Variants in WDR41 observed in about 807,000 individuals in gnomAD.
WDR41 encodes the protein WD repeat-containing protein 41.
Under a neutral mutation model 69.3 loss-of-function variants are expected in WDR41, and 63 were observed. The ratio of observed to expected loss-of-function variants is 0.91; its 90% CI spans 0.74 to 1.12. WDR41 has a LOEUF of 1.12. Among genes scored for constraint, WDR41 ranks in the 50% most tolerant of loss-of-function variants. The pLI, the probability that WDR41 is intolerant of heterozygous loss-of-function variation, is 0.00. For missense variants in WDR41, 543 were observed against 534.5 expected (o/e 1.02, Z -0.16); for synonymous variants, 185 against 192.1 (o/e 0.96, Z 0.31).
intron 1 of WDR41, among the ~76,000 whole-genome samples, chr5:77,534,655 A>G (rs1742932370): frequency 6.6e-6 from 1 of 152,108 alleles, no homozygotes; most frequent in Non-Finnish European, 1.5e-5. Context: ...GCTGGTCTCA[A>G]ACCCCTGAGC....
Position 77,583,022 on chromosome 5 carries a change from C to G in WDR41, c.42+37457G>C. ...CTGTGGCCCTTCAAATTGTCTTCTC[C>G]ACGAGGTGGAATGAAGAAAAAGACC... On this transcript the variant is annotated intron_variant, in intron 1 of 5. Coordinates refer to the WDR41 transcript ENST00000509971. The G allele has an allele frequency of 3.8e-6, 6 of 1,598,642 alleles. No homozygotes were observed. The South Asian group carries it at 6.6e-5, about 18-fold the overall frequency.
chr5:77,611,709 C>A (rs1744555818), intron 1 of WDR41, among the ~76,000 whole-genome samples: 1 of 151,802 alleles, frequency 6.6e-6, no homozygotes, highest in African/African-American at 2.4e-5. Context: ...AAAATTGACA[C>A]CCTAACATCA....
chr5:77,584,351 A>T (rs914050252), intron 1 of WDR41, among the ~76,000 whole-genome samples: 2 of 152,218 alleles, frequency 1.3e-5, no homozygotes, highest in African/African-American at 2.4e-5. Context: ...TAAGGGATAC[A>T]CTAAAAAACT....
intron 8 of WDR41, among the ~76,000 whole-genome samples, chr5:77,442,080 A>T (rs578024882): frequency 7.5e-4 from 114 of 152,332 alleles, no homozygotes; most frequent in African/African-American, 2.6e-3. Context: ...ACATTCCTGT[A>T]TTGCCTAATG....
chr5:77,595,855 T>C lies in WDR41; in HGVS notation c.42+24624A>G, dbSNP rs1024303197. Among the ~76,000 whole-genome samples, 19 of 152,354 alleles carry C rather than the reference T, an allele frequency of 1.2e-4. 2 individuals carry two copies. The South Asian group carries it at 3.9e-3, about 32-fold the overall frequency. ...CAACTTAGCTTTTCAGATACAGTTA[T>C]GGAACATCAGTTTAACTAGAAAATA... is the stretch of plus-strand genomic sequence containing the variant. On this transcript the variant is annotated intron_variant, in intron 1 of 5. Transcript: ENST00000509971.
intron 2 of WDR41, among the ~76,000 whole-genome samples, chr5:77,472,089 TTCA>T (rs1456037139): frequency 2.0e-5 from 3 of 152,212 alleles, no homozygotes; most frequent in African/African-American, 7.2e-5. Context: ...TCAAGTGGGC[TTCA>T]TCACTGGGAT....
intron 1 of WDR41, among the ~76,000 whole-genome samples, chr5:77,580,360 A>G (rs1743913639): frequency 6.6e-6 from 1 of 152,126 alleles, no homozygotes; most frequent in Non-Finnish European, 1.5e-5. Flanking sequence ...CCCTTATAAA[A>G]CCATCAGATT....
At chr5:77,596,327 T>C (rs1744227448) in intron 1 of WDR41, among the ~76,000 whole-genome samples, 1 of 152,148 alleles carries the variant, frequency 6.6e-6, no homozygotes, top group Admixed American at 6.6e-5. Context: ...TTTGTGTTTT[T>C]AGTGGAGACG....
chr5:77,446,023 C>A (rs998513247), intron 8 of WDR41, among the ~76,000 whole-genome samples: 23 of 152,230 alleles, frequency 1.5e-4, no homozygotes, highest in African/African-American at 5.5e-4. Flanking sequence ...ATTTAGAAAA[C>A]CCCATCATCT....
Position 77,489,525 on chromosome 5 carries a change from G to T in WDR41, c.99C>A (p.Tyr33Ter). Residue 33 changes from tyrosine to a stop codon, truncating the protein, a stop_gained, in exon 2 of 13, where the codon TAC (tyrosine) becomes TAA (stop). Coordinates refer to ENST00000296679, the MANE Select transcript of WDR41 (RefSeq NM_018268.4). LOFTEE classifies it high-confidence loss of function. ...GAGCCTTCAGTACTAGCAGTTCAGT[G>T]TAGGGATTCTGGGTTTGTTCTTCAC... Reference protein sequence around the residue: ...TIGEEQTQNPYTELLVLKAHH... With the variant: ...TIGEEQTQNP 6.2e-7 allele frequency: 1 copy of T among 1,608,014 alleles called. No homozygotes were observed.
chr5:77,525,764 C>A (rs1391615329), intron 1 of WDR41, among the ~76,000 whole-genome samples: 1 of 152,064 alleles, frequency 6.6e-6, no homozygotes, highest in African/African-American at 2.4e-5. Flanking sequence ...GGTAATAAGA[C>A]CTAGAAAAAG....
chr5:77,478,972 G>A, intron 2 of WDR41, among the ~76,000 whole-genome samples: 1 of 151,632 alleles, frequency 6.6e-6, no homozygotes, highest in Non-Finnish European at 1.5e-5. Context: ...AGCAACTTCA[G>A]CAAAGTCTCA....
rs1164416387 is a variant in WDR41 at position 77,431,674 on chromosome 5, T to C, written c.*1461A>G. On this transcript the variant is annotated 3_prime_UTR_variant, in exon 13 of 13. Coordinates refer to ENST00000296679, the MANE Select transcript of WDR41 (RefSeq NM_018268.4). ...TACTAGCCTAGAACAGGCTAGGAAG[T>C]AAAACAGTTAAGTCTATGGCTCCCT... 2 of 152,290 alleles carry C rather than the reference T, an allele frequency of 1.3e-5. No homozygotes were observed. Among genetic ancestry groups the C allele is most frequent in the East Asian group, 3.9e-4 (2 of 5,178 alleles). The allele number at this position is 152,290 out of a possible 1,614,324, so 9.4% of individuals were successfully genotyped here.
chr5:77,508,776 AC>A (rs1240923646), intron 1 of WDR41, among the ~76,000 whole-genome samples: 13 of 150,890 alleles, frequency 8.6e-5, no homozygotes, highest in African/African-American at 3.0e-4. Flanking sequence ...GCTTTGCTAA[AC>A]TATTTTAGTG....
At chr5:77,508,356 G>C (rs1262733627) in intron 1 of WDR41, among the ~76,000 whole-genome samples, 1 of 152,104 alleles carries the variant, frequency 6.6e-6, no homozygotes, top group East Asian at 1.9e-4. Flanking sequence ...TCAAGTGATT[G>C]ACCTGCCTGG....
intron 1 of WDR41, among the ~76,000 whole-genome samples, chr5:77,595,472 C>T (rs1388532624): frequency 6.6e-6 from 1 of 152,148 alleles, no homozygotes; most frequent in Admixed American, 6.5e-5. Flanking sequence ...CAAATTGCCC[C>T]CAAAACCACA....
At chr5:77,579,296 G>A (rs1057123605) in intron 1 of WDR41, among the ~76,000 whole-genome samples, 6 of 152,094 alleles carry the variant, frequency 3.9e-5, no homozygotes, top group African/African-American at 1.2e-4. Flanking sequence ...ACATACCCAA[G>A]AAGTACAATG....
chr5:77,470,375 A>G (rs1377288854), intron 2 of WDR41, among the ~76,000 whole-genome samples: 5 of 152,084 alleles, frequency 3.3e-5, no homozygotes, highest in African/African-American at 7.2e-5. Flanking sequence ...ATCAACTAAC[A>G]AGCAAAATAA....
At chr5:77,509,650 T>C (rs1802169430) in intron 1 of WDR41, among the ~76,000 whole-genome samples, 1 of 152,130 alleles carries the variant, frequency 6.6e-6, no homozygotes, top group South Asian at 2.1e-4. Flanking sequence ...AGGGAATCTA[T>C]AGAGACAGAG....
Sources: gnomAD v4.1 joint callset for allele counts (sites outside exome capture counted in the v4.1 genomes callset) on GRCh38, gnomAD v4.1.1 for gene constraint, MANE v1.5 for transcripts, NCBI Gene and HGNC (gene_info 2026-07-23, HGNC 2026-07-21) for gene names.